Variants in TBC1D8B observed in about 807,000 individuals in gnomAD.
TBC1D8B encodes RP11-321G1.1.
Under a neutral mutation model 82.9 loss-of-function variants are expected in TBC1D8B, and 75 were observed. The observed-to-expected ratio is 0.90, with a 90% CI of 0.75 to 1.10. The LOEUF (loss-of-function observed/expected upper bound fraction) is 1.10, where lower values mean the gene tolerates loss of function less well. Ranked by LOEUF, TBC1D8B falls within the 50% of genes least tolerant of loss-of-function variation. TBC1D8B has a pLI of 0.00. For missense variants in TBC1D8B, 794 were observed against 796.9 expected (o/e 1.00, Z 0.04); for synonymous variants, 276 against 276.8 (o/e 1.00, Z 0.03).
intron 19 of TBC1D8B, 43 bp from the exon 20 acceptor site, chrX:106,870,673 A>C: frequency 1.2e-6 from 1 of 864,099 alleles, no homozygotes. Flanking sequence ...GGGAAAGTAT[A>C]GTGGGCTGTT....
In TBC1D8B at chrX:106,827,266, G is replaced by C. The variant is rs1187553121; in HGVS notation, c.1132G>C (p.Glu378Gln). ...AFRFHEVKDF[E>Q]QLVAKLRLRC... Reference sequence around the variant, plus strand: ...TCGCTTCCATGAAGTTAAAGACTTTGAACAACTGGTAGCAAAACTCAGGCT... The same window carrying C: ...TCGCTTCCATGAAGTTAAAGACTTTCAACAACTGGTAGCAAAACTCAGGCT... Residue 378 changes from glutamate (E) to glutamine (Q), a missense_variant, in exon 7 of 21, where the codon GAA (glutamate) becomes CAA (glutamine). Transcript: ENST00000357242. 3.3e-6 allele frequency: 4 copies of C among 1,209,463 alleles called. No homozygotes were observed. The highest frequency in any genetic ancestry group is 4.5e-6 in the Non-Finnish European group (4 of 894,836).
At position 106,873,741 on chromosome X, in the gene TBC1D8B, G is replaced by A; in HGVS notation, c.3139G>A (p.Val1047Ile). 1 of 1,211,879 alleles carries A rather than the reference G, an allele frequency of 8.3e-7. No homozygotes were observed. The highest frequency in any genetic ancestry group is 1.1e-6 in the Non-Finnish European group (1 of 895,548). The change falls in exon 21 of 21, where the codon GTC (valine) becomes ATC (isoleucine). Residue 1047 changes from valine to isoleucine, a missense_variant. Physicochemically the swap from Val to Ile is conservative, Grantham distance 29. Coordinates refer to ENST00000357242, the MANE Select transcript of TBC1D8B (RefSeq NM_017752.3). ...TSSAKGFSGTVCGSGGPSEEK... is the reference protein window; with the variant it reads ...TSSAKGFSGTICGSGGPSEEK... Reference sequence around the variant, plus strand: ...ATCAGCCAAAGGATTCTCTGGTACTGTCTGTGGTTCTGGAGGACCCAGTGA... The same window carrying A: ...ATCAGCCAAAGGATTCTCTGGTACTATCTGTGGTTCTGGAGGACCCAGTGA...
chrX:106,837,254 A>G (rs1017870016), intron 7 of TBC1D8B, among the ~76,000 whole-genome samples: 1 of 112,086 alleles, frequency 8.9e-6, no homozygotes, highest in Non-Finnish European at 1.9e-5. Flanking sequence ...AAGTGAAAAG[A>G]CAACCCACAG....
intron 10 of TBC1D8B, among the ~76,000 whole-genome samples, chrX:106,841,765 C>G (rs894137202): frequency 5.4e-5 from 6 of 112,016 alleles, no homozygotes; most frequent in African/African-American, 1.9e-4. Context: ...TGTAGACTGA[C>G]AGCAGACTGT....
intron 5 of TBC1D8B, among the ~76,000 whole-genome samples, 182 bp from the exon 6 acceptor site, chrX:106,825,848 A>G (rs1227120640): frequency 1.8e-5 from 2 of 111,968 alleles, no homozygotes; most frequent in Admixed American, 1.9e-4. Context: ...GAACAAACAA[A>G]AGGAGTTTGC....
intron 12 of TBC1D8B, among the ~76,000 whole-genome samples, chrX:106,850,768 G>A (rs1437578615): frequency 8.9e-6 from 1 of 111,808 alleles, no homozygotes; most frequent in East Asian, 2.8e-4. Context: ...GTATGTGTGT[G>A]TATGTGTATA....
intron 10 of TBC1D8B, among the ~76,000 whole-genome samples, chrX:106,842,613 ATCTATCT>A (rs1932337674): frequency 1.3e-4 from 11 of 84,200 alleles, no homozygotes; most frequent in Non-Finnish European, 1.9e-4. Flanking sequence ...CTATCTATCT[ATCTATCT>A]ATCTATCTAT....
chrX:106,864,342 C>T (rs1932798761), intron 14 of TBC1D8B, among the ~76,000 whole-genome samples: 1 of 109,908 alleles, frequency 9.1e-6, no homozygotes, highest in African/African-American at 3.3e-5. Flanking sequence ...CAGCTTCCCT[C>T]CTCTCTGCTC....
At chrX:106,834,735 G>A (rs1932130933) in intron 7 of TBC1D8B, among the ~76,000 whole-genome samples, 1 of 111,832 alleles carries the variant, frequency 8.9e-6, no homozygotes, top group Non-Finnish European at 1.9e-5. Flanking sequence ...GGGGCTACAG[G>A]CCCCATACAA....
chrX:106,864,019 A>G (rs1932796604), intron 14 of TBC1D8B, among the ~76,000 whole-genome samples: 1 of 111,808 alleles, frequency 8.9e-6, no homozygotes, highest in African/African-American at 3.3e-5. Context: ...AGGAGGGTGG[A>G]CCAATCCTAC....
chrX:106,861,904 C>T (rs894501463), intron 14 of TBC1D8B, among the ~76,000 whole-genome samples: 1 of 111,970 alleles, frequency 8.9e-6, no homozygotes, highest in African/African-American at 3.3e-5. Flanking sequence ...ATTTAGCACT[C>T]CTTTCAAGAT....
At chrX:106,804,434 G>A (rs1931126204) in intron 1 of TBC1D8B, among the ~76,000 whole-genome samples, 1 of 111,414 alleles carries the variant, frequency 9.0e-6, no homozygotes, top group South Asian at 3.8e-4. Flanking sequence ...TGTTAAATGT[G>A]ACATTTTGTC....
At chrX:106,819,492 A>AT (rs765444713) in intron 2 of TBC1D8B, among the ~76,000 whole-genome samples, 1 of 111,168 alleles carries the variant, frequency 9.0e-6, no homozygotes, top group East Asian at 2.8e-4. Context: ...ATATTGAAAA[A>AT]CTGCCTTTCT....
chrX:106,852,076 G>T lies in TBC1D8B; in HGVS notation c.2124-1445G>T, dbSNP rs1330384540. On this transcript the variant is annotated intron_variant, in intron 12 of 20. Transcript: ENST00000357242. ...TTTCTCCACATCCTCTCCAGTACCT[G>T]TTGTTTCCTGACTTTTTAATGATCG... 8.7e-4 allele frequency among the ~76,000 whole-genome samples: 95 copies of T among 109,089 alleles called. 2 individuals carry two copies. Among genetic ancestry groups the T allele is most frequent in the African/African-American group, 3.0e-3 (91 of 29,960 alleles). The allele number at this position is 109,089 out of a possible 115,157, so 94.7% of individuals were successfully genotyped here. A position where few individuals can be genotyped will look rare whatever the true frequency, so the allele number is the denominator to read the frequency against.
At chrX:106,866,185 T>A in intron 16 of TBC1D8B, 152 bp downstream of exon 16, 1 of 582,544 alleles carries the variant, frequency 1.7e-6, no homozygotes, top group Non-Finnish European at 2.5e-6. Context: ...TGTTGCTAAA[T>A]CTAAGTATTT....
intron 14 of TBC1D8B, among the ~76,000 whole-genome samples, chrX:106,855,627 C>G (rs1049698797): frequency 1.1e-4 from 12 of 112,089 alleles, no homozygotes; most frequent in African/African-American, 3.2e-4. Flanking sequence ...TTATTCACTG[C>G]TGATGTACAT....
chrX:106,829,046 A>G (rs1448171179), intron 7 of TBC1D8B: 1 of 107,406 alleles, frequency 9.3e-6, no homozygotes, highest in Non-Finnish European at 1.9e-5. Context: ...AGAAAACCCC[A>G]TAGTCTCAGC....
Position 106,826,064 on chromosome X carries a change from A to G in TBC1D8B, c.862A>G (p.Asn288Asp). Residue 288 changes from asparagine (N) to aspartate (D), a missense_variant, in exon 6 of 21, where the codon AAT becomes GAT. By Grantham distance (23) the Asn-to-Asp change is conservative. Coordinates refer to ENST00000357242, the MANE Select transcript of TBC1D8B (RefSeq NM_017752.3). ...AAATAGAGCCCACAGTGAGCAATTT[A>G]ATGCCTTTTTTAGGCTGCCCAAAGG... is the stretch of plus-strand genomic sequence containing the variant. ...LENRAHSEQF[N>D]AFFRLPKGES... 1 of 1,210,849 alleles carries G rather than the reference A, an allele frequency of 8.3e-7. No homozygotes were observed. The highest frequency in any genetic ancestry group is 1.1e-6 in the Non-Finnish European group (1 of 894,941).
In TBC1D8B at chrX:106,850,033, G is replaced by A; in HGVS notation, c.1846G>A (p.Val616Met). ...CTTTTGATATTCTGTAGGTGCCTTG[G>A]TGGATCAGGCAGTCTTTGAAGAACT... ...YFNRRIIGAL[V>M]DQAVFEELIR... The change falls in exon 12 of 21, where the codon GTG becomes ATG. Residue 616 changes from valine (V) to methionine (M), a missense_variant. Coordinates refer to ENST00000357242, the MANE Select transcript of TBC1D8B (RefSeq NM_017752.3). 8.4e-7 allele frequency: 1 copy of A among 1,191,235 alleles called. No individual in the cohort carries two copies. Among genetic ancestry groups the A allele is most frequent in the Non-Finnish European group, 1.1e-6 (1 of 886,412 alleles).
Sources: allele counts gnomAD v4.1 joint callset (sites outside exome capture counted in the v4.1 genomes callset), GRCh38; gene constraint gnomAD v4.1.1; transcripts MANE v1.5; gene names NCBI Gene and HGNC (gene_info 2026-07-23, HGNC 2026-07-21).